Variants in COL25A1 observed in about 807,000 individuals in gnomAD.
The protein encoded by COL25A1 is collagen alpha-1(XXV) chain.
Under a neutral mutation model 128.4 loss-of-function variants are expected in COL25A1, and 103 were observed. The ratio of observed to expected loss-of-function variants is 0.80; its 90% confidence interval spans 0.68 to 0.94. COL25A1 has a LOEUF of 0.94. Ranked by LOEUF, COL25A1 falls within the 40% of genes least tolerant of loss-of-function variation. The probability of loss-of-function intolerance (pLI) is 0.00; values close to 1 mark genes in which losing one functional copy is unlikely to be tolerated. For missense variants in COL25A1, 745 were observed against 840.0 expected, an observed-to-expected ratio of 0.89 and a Z score of 1.40; for synonymous variants, 279 against 277.2, an observed-to-expected ratio of 1.01 and a Z score of -0.06.
At chr4:109,135,398 T>A (rs1158975786) in intron 3 of COL25A1, among the ~76,000 whole-genome samples, 1 of 152,150 alleles carries the variant, frequency 6.6e-6, no homozygotes, top group African/African-American at 2.4e-5. Flanking sequence ...AAATGCACAG[T>A]CACATAAATT....
At chr4:109,211,697 A>T (rs1777577229) in intron 3 of COL25A1, among the ~76,000 whole-genome samples, 1 of 152,108 alleles carries the variant, frequency 6.6e-6, no homozygotes, top group Non-Finnish European at 1.5e-5. Flanking sequence ...TTTTAGAGAC[A>T]TTCCGTTGCT....
intron 5 of COL25A1, among the ~76,000 whole-genome samples, chr4:109,038,132 G>A (rs1759531094): frequency 6.6e-6 from 1 of 152,204 alleles, no homozygotes; most frequent in East Asian, 1.9e-4. Context: ...TTAATGTGAT[G>A]TGTCAACTTG....
At chr4:109,065,679 T>C (rs973969216) in intron 3 of COL25A1, among the ~76,000 whole-genome samples, 4 of 151,990 alleles carry the variant, frequency 2.6e-5, no homozygotes, top group African/African-American at 7.3e-5. Context: ...AAATATCTAA[T>C]ATTAATTTAG....
intron 13 of COL25A1, among the ~76,000 whole-genome samples, chr4:108,912,042 A>G (rs553673848): frequency 2.0e-4 from 30 of 152,278 alleles, no homozygotes; most frequent in Admixed American, 1.8e-3. Context: ...ACTTCCTTCA[A>G]CTAACTTTTT....
intron 5 of COL25A1, among the ~76,000 whole-genome samples, chr4:109,015,114 A>G (rs1470982626): frequency 2.0e-5 from 3 of 152,220 alleles, no homozygotes; most frequent in African/African-American, 7.2e-5. Context: ...ATAGAGGGAG[A>G]GCAGGAGAGT....
chr4:109,244,422 T>G (rs1035574570), intron 3 of COL25A1, among the ~76,000 whole-genome samples: 18 of 152,044 alleles, frequency 1.2e-4, no homozygotes, highest in African/African-American at 4.1e-4. Flanking sequence ...ACTCACAAGA[T>G]CCCACTCTTC....
Position 108,889,615 on chromosome 4 carries a change from GT to G in COL25A1, c.939+85del, listed in dbSNP as rs1226253174. 3 of 1,175,474 alleles carry G rather than the reference GT, an allele frequency of 2.6e-6. No homozygotes were observed. The African/African-American group carries it at 4.6e-5, about 18-fold the overall frequency. The allele number at this position is 1,175,474 out of a possible 1,614,324, so 72.8% of individuals were successfully genotyped here. On this transcript the variant is annotated intron_variant, in intron 17 of 37. Coordinates refer to ENST00000399132, the MANE Select transcript of COL25A1 (RefSeq NM_198721.4). Reference sequence around the variant, plus strand: ...TAAGAACAGAGTTATAACCATCAAAGTTGCTAAAAAGGGAGAGAAAGTAGAG... The same window carrying G: ...TAAGAACAGAGTTATAACCATCAAAGTGCTAAAAAGGGAGAGAAAGTAGAG...
intron 19 of COL25A1, among the ~76,000 whole-genome samples, chr4:108,874,608 G>A (rs150168010): frequency 2.6e-5 from 4 of 152,226 alleles, no homozygotes; most frequent in African/African-American, 9.6e-5. Flanking sequence ...CCCATTATCA[G>A]GGAAATGTGG....
chr4:109,296,263 T>C (rs1724977151), intron 3 of COL25A1, among the ~76,000 whole-genome samples: 1 of 152,088 alleles, frequency 6.6e-6, no homozygotes, highest in African/African-American at 2.4e-5. Context: ...AACCAGATTT[T>C]CTCTATTGTG....
At chr4:108,831,344 T>C (rs1733074669) in intron 32 of COL25A1, among the ~76,000 whole-genome samples, 1 of 152,154 alleles carries the variant, frequency 6.6e-6, no homozygotes, top group Non-Finnish European at 1.5e-5. Context: ...GCTTTGCACA[T>C]AGTAGCATTT....
Position 108,843,988 on chromosome 4 carries a change from C to T in COL25A1, c.1629+531G>A, listed in dbSNP as rs185806598. 7.4e-4 allele frequency among the ~76,000 whole-genome samples: 113 copies of T among 152,190 alleles called. 1 individual carries two copies. In the East Asian group the frequency reaches 0.018, roughly 24 times the overall value. On this transcript the variant is annotated intron_variant, in intron 30 of 37. Coordinates refer to ENST00000399132, the MANE Select transcript of COL25A1 (RefSeq NM_198721.4). ...TCACAACTCACTGCAACCTCAGCCTCCCTGGGCTCAGGCAATCCTCCCACC... is the reference window on the plus strand; with the variant it reads ...TCACAACTCACTGCAACCTCAGCCTTCCTGGGCTCAGGCAATCCTCCCACC...
chr4:109,075,147 T>C (rs1763277049), intron 3 of COL25A1, among the ~76,000 whole-genome samples: 2 of 152,184 alleles, frequency 1.3e-5, no homozygotes, highest in African/African-American at 4.8e-5. Context: ...TAAGTACCAA[T>C]TCAAAATCCA....
intron 6 of COL25A1, among the ~76,000 whole-genome samples, chr4:108,997,531 AT>A (rs1221898678): frequency 1.3e-5 from 2 of 152,222 alleles, no homozygotes; most frequent in African/African-American, 4.8e-5. Context: ...TCACAGCCGA[AT>A]TCTACCAGAG....
chr4:108,827,074 G>T, intron 33 of COL25A1, 61 bp downstream of exon 33: 1 of 1,440,478 alleles, frequency 6.9e-7, no homozygotes, highest in Non-Finnish European at 9.8e-7. Context: ...GGTTAACCGT[G>T]TCAGTGACTG....
At chr4:109,194,592 G>A (rs1478792103) in intron 3 of COL25A1, among the ~76,000 whole-genome samples, 1 of 151,962 alleles carries the variant, frequency 6.6e-6, no homozygotes, top group Non-Finnish European at 1.5e-5. Flanking sequence ...ATACCAAATC[G>A]GGCAATAGGT....
At chr4:109,197,177 T>A (rs1039524647) in intron 3 of COL25A1, among the ~76,000 whole-genome samples, 5 of 149,698 alleles carry the variant, frequency 3.3e-5, no homozygotes, top group Non-Finnish European at 5.9e-5. Context: ...ATAAAAAGAA[T>A]TAGCCAGGTG....
intron 3 of COL25A1, among the ~76,000 whole-genome samples, chr4:109,064,969 G>T (rs961762415): frequency 1.3e-5 from 2 of 152,266 alleles, no homozygotes; most frequent in Non-Finnish European, 2.9e-5. Context: ...GTAGAACATG[G>T]TGTATCCAAT....
At chr4:109,066,210 G>A (rs1426571653) in intron 3 of COL25A1, among the ~76,000 whole-genome samples, 1 of 152,172 alleles carries the variant, frequency 6.6e-6, no homozygotes, top group East Asian at 1.9e-4. Flanking sequence ...GTACACATCA[G>A]CACTACCACA....
chr4:109,222,830 T>C (rs927262665), intron 3 of COL25A1, among the ~76,000 whole-genome samples: 10 of 152,232 alleles, frequency 6.6e-5, no homozygotes, highest in African/African-American at 2.4e-4. Context: ...ACAGATTCTC[T>C]ACAAATCCAA....
Sources: gnomAD v4.1 joint callset for allele counts (sites outside exome capture counted in the v4.1 genomes callset) on GRCh38, gnomAD v4.1.1 for gene constraint, MANE v1.5 for transcripts, NCBI Gene and HGNC (gene_info 2026-07-23, HGNC 2026-07-21) for gene names.